The following DPP6 variants were observed in gnomAD, a reference collection of about 807,000 sequenced individuals.
DPP6 encodes the protein dipeptidyl peptidase like 6.
Under a neutral mutation model 122.6 loss-of-function variants are expected in DPP6, and 69 were observed. The ratio of observed to expected loss-of-function variants is 0.56; its 90% CI spans 0.46 to 0.69. The LOEUF (loss-of-function observed/expected upper bound fraction) is 0.69, where lower values mean the gene tolerates loss of function less well. Among genes scored for constraint, DPP6 ranks in the 30% least tolerant of loss-of-function variants. DPP6 has a pLI of 0.00. For missense variants in DPP6, 928 were observed against 1,116.9 expected, an observed-to-expected ratio of 0.83 and a Z score of 2.41; for synonymous variants, 418 against 433.1, an observed-to-expected ratio of 0.97 and a Z score of 0.43.
chr7:153,887,183 G>A (rs1563206779), exon 1 of DPP6: 3 of 152,458 alleles, frequency 2.0e-5, no homozygotes, highest in Non-Finnish European at 4.4e-5. Flanking sequence ...TGCCCTTAGG[G>A]ACCAGAGCGG....
At chr7:154,122,812 C>A (rs1403322457) in intron 1 of DPP6, among the ~76,000 whole-genome samples, 7 of 152,268 alleles carry the variant, frequency 4.6e-5, no homozygotes, top group Non-Finnish European at 7.3e-5. Flanking sequence ...ACCCTTCCCC[C>A]TCTGGCCATC....
At chr7:154,613,955 G>A (rs1450709423) in intron 5 of DPP6, among the ~76,000 whole-genome samples, 1 of 152,170 alleles carries the variant, frequency 6.6e-6, no homozygotes, top group East Asian at 1.9e-4. Flanking sequence ...GGATTTGGTG[G>A]GAAATCATTT....
At chr7:154,280,896 CTG>C (rs1398939023) in intron 1 of DPP6, among the ~76,000 whole-genome samples, 2 of 152,250 alleles carry the variant, frequency 1.3e-5, no homozygotes, top group South Asian at 2.1e-4. Flanking sequence ...CGTGAGGACA[CTG>C]TGGTAGGTTA....
the DPP6 span, among the ~76,000 whole-genome samples, chr7:153,830,456 T>C: frequency 6.6e-6 from 1 of 152,236 alleles, no homozygotes; most frequent in African/African-American, 2.4e-5. Context: ...AGGTCTTTGA[T>C]TAATGGTCTT....
At chr7:154,524,109 G>A (rs2130011002) in intron 3 of DPP6, among the ~76,000 whole-genome samples, 1 of 152,334 alleles carries the variant, frequency 6.6e-6, no homozygotes, top group South Asian at 2.1e-4. Context: ...CAACAAAGCA[G>A]GCAGCTGAAT....
intron 1 of DPP6, among the ~76,000 whole-genome samples, chr7:154,225,681 T>G (rs897676312): frequency 1.3e-5 from 2 of 152,034 alleles, no homozygotes; most frequent in African/African-American, 4.8e-5. Flanking sequence ...TAGGGAATGT[T>G]TCATTTTACC....
chr7:153,752,920 A>T, the DPP6 span, among the ~76,000 whole-genome samples: 1 of 151,926 alleles, frequency 6.6e-6, no homozygotes, highest in Admixed American at 6.6e-5. Context: ...TAATGTATGC[A>T]TTATCTCATA....
In DPP6 at chr7:154,875,853, C is replaced by A; in HGVS notation, c.1884-53C>A. The A allele has an allele frequency of 6.4e-7, 1 of 1,562,246 alleles. No individual in the cohort carries two copies. Among genetic ancestry groups the A allele is most frequent in the South Asian group, 1.2e-5 (1 of 85,324 alleles). ...TCATCTGACGTGGCAGCTGCTAGAC[C>A]AGCCGCCACCCACCACGCAGCAGGC... On this transcript the variant is annotated intron_variant, in intron 19 of 25. Transcript: ENST00000377770. The surrounding 1 kb of genome is among the most constrained non-coding windows in gnomAD (Gnocchi z 4.5).
At chr7:153,825,773 C>T in the DPP6 span, among the ~76,000 whole-genome samples, 2 of 152,058 alleles carry the variant, frequency 1.3e-5, no homozygotes, top group African/African-American at 4.8e-5. Flanking sequence ...GTTGTCCAGG[C>T]TGGTCTTAAA....
intron 1 of DPP6, among the ~76,000 whole-genome samples, chr7:154,408,074 A>C (rs1816272868): frequency 6.6e-6 from 1 of 152,358 alleles, no homozygotes; most frequent in South Asian, 2.1e-4. Flanking sequence ...AATTATTGTT[A>C]GAAATAGTAG....
At chr7:154,854,231 G>T (rs1802637537) in intron 17 of DPP6, among the ~76,000 whole-genome samples, 3 of 152,192 alleles carry the variant, frequency 2.0e-5, no homozygotes, top group African/African-American at 7.2e-5. Flanking sequence ...GAGCTTCACG[G>T]CATGGAGGGT....
intron 16 of DPP6, among the ~76,000 whole-genome samples, chr7:154,822,711 C>T (rs1055474205): frequency 3.3e-5 from 5 of 152,156 alleles, no homozygotes; most frequent in Admixed American, 2.6e-4. Flanking sequence ...TCACAGATGC[C>T]TCCCTGGCAC....
intron 1 of DPP6, among the ~76,000 whole-genome samples, chr7:154,262,198 C>G (rs1388207272): frequency 6.6e-6 from 1 of 152,106 alleles, no homozygotes. Context: ...TAATTTACTG[C>G]GATGTGGATG....
chr7:154,447,487 A>G (rs1444900690), intron 2 of DPP6, among the ~76,000 whole-genome samples: 1 of 152,158 alleles, frequency 6.6e-6, no homozygotes, highest in African/African-American at 2.4e-5. Context: ...AAAAAAGTAG[A>G]TATTATAATA....
In DPP6 at chr7:154,061,029, G is replaced by A. The variant is rs539139811; in HGVS notation, c.243+7966G>A. ...AAGTAGAGAGTTCAAATCTTCTGAC[G>A]GCAGGTACCTTATGTGGGATTTACG... is the stretch of plus-strand genomic sequence containing the variant. On this transcript the variant is annotated intron_variant, in intron 1 of 25. Transcript: ENST00000377770. Among the ~76,000 whole-genome samples, 7 of 148,974 alleles carry A rather than the reference G, an allele frequency of 4.7e-5. No individual in the cohort carries two copies. In the East Asian group the frequency reaches 5.8e-4, roughly 12 times the overall value.
chr7:154,499,443 C>T (rs907143112), intron 3 of DPP6, among the ~76,000 whole-genome samples: 2 of 152,162 alleles, frequency 1.3e-5, no homozygotes, highest in South Asian at 2.1e-4. Flanking sequence ...CCTGCAGTCA[C>T]TCCAAATTGC....
chr7:154,340,921 C>T (rs6464412), intron 1 of DPP6, among the ~76,000 whole-genome samples: 27,121 of 151,966 alleles, frequency 0.18, 4,645 homozygotes, highest in African/African-American at 0.45. Context: ...AGTGTGCTTA[C>T]GATTTTTTGA....
chr7:154,007,200 A>G (rs2629002), intron 1 of DPP6, among the ~76,000 whole-genome samples: 4,319 of 151,390 alleles, frequency 0.029, 203 homozygotes, highest in African/African-American at 0.1. Context: ...TATTCAGCAA[A>G]CACTTTACTC....
intron 1 of DPP6, among the ~76,000 whole-genome samples, chr7:154,075,114 C>A (rs2626779): frequency 2.6e-5 from 4 of 152,172 alleles, no homozygotes; most frequent in Non-Finnish European, 1.5e-5. Flanking sequence ...ATACCACCTT[C>A]CTCCTGCACA....
Sources: gnomAD v4.1 joint callset for allele counts (sites outside exome capture counted in the v4.1 genomes callset) on GRCh38, gnomAD v4.1.1 for gene constraint, Gnocchi (gnomAD v3.1) non-coding constraint, MANE v1.5 for transcripts, NCBI Gene and HGNC (gene_info 2026-07-23, HGNC 2026-07-21) for gene names.